The following LPAR3 variants were observed in gnomAD, a reference collection of about 807,000 sequenced individuals.
The protein encoded by LPAR3 is LPA receptor 3.
Under a neutral mutation model 17.8 loss-of-function variants are expected in LPAR3, and 7 were observed. The ratio of observed to expected loss-of-function variants is 0.39; its 90% CI spans 0.22 to 0.74. The LOEUF is 0.74. Among genes scored for constraint, LPAR3 ranks in the 30% least tolerant of loss-of-function variants. The pLI is 0.40. For missense variants in LPAR3, 391 were observed against 453.4 expected, an observed-to-expected ratio of 0.86 and a Z score of 1.25; for synonymous variants, 179 against 179.9, an observed-to-expected ratio of 0.99 and a Z score of 0.04.
Position 84,865,513 on chromosome 1 carries a change from A to G in LPAR3, c.608T>C (p.Val203Ala). ...VSNLMAFLIM[V>A]VVYLRIYVYV... ...CACGTAGATCCGCAGGTACACCACAACCATGATGAGGAAGGCCATGAGGTT... is the reference window on the plus strand; with the variant it reads ...CACGTAGATCCGCAGGTACACCACAGCCATGATGAGGAAGGCCATGAGGTT... Residue 203 changes from valine (V) to alanine (A), a missense_variant, in exon 2 of 3, where the codon GTT becomes GCT. Transcript: ENST00000370611. 6.2e-7 allele frequency: 1 copy of G among 1,614,212 alleles called. No homozygotes were observed. The highest frequency in any genetic ancestry group is 8.5e-7 in the Non-Finnish European group (1 of 1,180,050).
chr1:84,830,661 C>T (rs113688991), intron 2 of LPAR3, among the ~76,000 whole-genome samples: 12 of 152,194 alleles, frequency 7.9e-5, no homozygotes, highest in East Asian at 1.9e-4. Flanking sequence ...TCAGACCAGA[C>T]GCTTAGTAGG....
chr1:84,835,456 C>T (rs139685204), intron 2 of LPAR3, among the ~76,000 whole-genome samples: 23 of 150,798 alleles, frequency 1.5e-4, no homozygotes, highest in African/African-American at 5.1e-4. Context: ...AATGTGTGTA[C>T]GTGTGTGTAC....
chr1:84,866,574 C>A (rs189493991), intron 1 of LPAR3, among the ~76,000 whole-genome samples: 3 of 152,186 alleles, frequency 2.0e-5, no homozygotes, highest in African/African-American at 7.2e-5. Flanking sequence ...TATGTTAATG[C>A]CTCCTCCTGG....
intron 2 of LPAR3, among the ~76,000 whole-genome samples, chr1:84,840,324 G>C (rs993113455): frequency 6.6e-6 from 1 of 152,206 alleles, no homozygotes; most frequent in African/African-American, 2.4e-5. Context: ...AAGAGGAACT[G>C]ATCAAGATAA....
intron 2 of LPAR3, among the ~76,000 whole-genome samples, chr1:84,823,831 G>A (rs1184339921): frequency 6.6e-6 from 1 of 152,158 alleles, no homozygotes; most frequent in Non-Finnish European, 1.5e-5. Context: ...ACAGAGAAAA[G>A]GTGTGAGATC....
intron 2 of LPAR3, among the ~76,000 whole-genome samples, chr1:84,823,244 T>C (rs1306984637): frequency 2.6e-5 from 4 of 152,204 alleles, no homozygotes; most frequent in African/African-American, 9.6e-5. Flanking sequence ...GAAAATGCTC[T>C]TACGACATTA....
chr1:84,852,487 A>G (rs972832791), intron 2 of LPAR3, among the ~76,000 whole-genome samples: 9 of 152,178 alleles, frequency 5.9e-5, no homozygotes. Flanking sequence ...AACCCATTGC[A>G]GAGATCCTAT....
At chr1:84,847,325 G>C (rs915880862) in intron 2 of LPAR3, among the ~76,000 whole-genome samples, 3 of 152,174 alleles carry the variant, frequency 2.0e-5, no homozygotes, top group African/African-American at 7.2e-5. Context: ...GGGATGTCAG[G>C]GCTGTACTAG....
At chr1:84,874,337 T>G (rs1352875779) in intron 1 of LPAR3, among the ~76,000 whole-genome samples, 1 of 152,132 alleles carries the variant, frequency 6.6e-6, no homozygotes, top group Admixed American at 6.5e-5. Context: ...TTTGGAGACC[T>G]TTAGGCAGGG....
At chr1:84,863,630 G>A (rs1285070892) in intron 2 of LPAR3, among the ~76,000 whole-genome samples, 1 of 152,136 alleles carries the variant, frequency 6.6e-6, no homozygotes, top group African/African-American at 2.4e-5. Flanking sequence ...AGCTCACGCA[G>A]TCCTGTGATT....
intron 2 of LPAR3, among the ~76,000 whole-genome samples, chr1:84,847,622 G>T (rs1176631240): frequency 6.6e-6 from 1 of 152,198 alleles, no homozygotes; most frequent in African/African-American, 2.4e-5. Context: ...TGGGACCTGG[G>T]TGTCTGTTTT....
chr1:84,843,652 C>G (rs917698744), intron 2 of LPAR3, among the ~76,000 whole-genome samples: 11 of 152,216 alleles, frequency 7.2e-5, no homozygotes, highest in Non-Finnish European at 1.6e-4. Flanking sequence ...AAAATACTAC[C>G]CTATGCTAAT....
intron 1 of LPAR3, among the ~76,000 whole-genome samples, chr1:84,870,553 A>C (rs189918410): frequency 1.8e-4 from 27 of 152,352 alleles, no homozygotes; most frequent in Admixed American, 1.2e-3. Flanking sequence ...AAGTGTTTTC[A>C]GGTACATTAC....
chr1:84,858,483 CAAAAA>C (rs10615696), intron 2 of LPAR3, among the ~76,000 whole-genome samples: 1 of 105,774 alleles, frequency 9.5e-6, no homozygotes. Flanking sequence ...GAGACTGTCT[CAAAAA>C]AAAAAAAAAA....
intron 2 of LPAR3, among the ~76,000 whole-genome samples, chr1:84,844,557 TA>T (rs576701345): frequency 1.0e-3 from 156 of 152,270 alleles, no homozygotes; most frequent in Non-Finnish European, 1.5e-3. Context: ...GAGATGTATA[TA>T]AAACGACCCT....
intron 2 of LPAR3, among the ~76,000 whole-genome samples, chr1:84,823,318 T>C (rs1659093306): frequency 6.6e-6 from 1 of 152,210 alleles, no homozygotes; most frequent in South Asian, 2.1e-4. Flanking sequence ...AAATTCATAT[T>C]CATTTAGCAT....
chr1:84,827,071 C>T (rs1659172740), intron 2 of LPAR3, among the ~76,000 whole-genome samples: 1 of 152,088 alleles, frequency 6.6e-6, no homozygotes, highest in African/African-American at 2.4e-5. Flanking sequence ...AAAAATGCAC[C>T]GCAATGCATT....
At chr1:84,818,126 G>A (rs1005848333) in intron 2 of LPAR3, among the ~76,000 whole-genome samples, 2 of 152,170 alleles carry the variant, frequency 1.3e-5, no homozygotes, top group African/African-American at 4.8e-5. Flanking sequence ...GGCAGGATTA[G>A]TACCATTCCC....
At chr1:84,816,667 A>C (rs1031649933) in intron 2 of LPAR3, among the ~76,000 whole-genome samples, 1 of 152,128 alleles carries the variant, frequency 6.6e-6, no homozygotes, top group Admixed American at 6.5e-5. Flanking sequence ...GCATGGTGGC[A>C]GGCACCTGTA....
Sources: gnomAD v4.1 joint callset for allele counts (sites outside exome capture counted in the v4.1 genomes callset) on GRCh38, gnomAD v4.1.1 for gene constraint, MANE v1.5 for transcripts, NCBI Gene and HGNC (gene_info 2026-07-23, HGNC 2026-07-21) for gene names.